GALNT18: variants seen among roughly 807,000 people sequenced by gnomAD.
The protein encoded by GALNT18 is polypeptide N-acetylgalactosaminyltransferase 18, also known as GalNAc-transferase 18.
In GALNT18, 44 loss-of-function variants were observed where a neutral mutation model predicts 69.5. That is an observed-to-expected ratio of 0.63 (90% CI 0.50 to 0.81). The LOEUF (loss-of-function observed/expected upper bound fraction) is 0.81, where lower values mean the gene tolerates loss of function less well. GALNT18 is among the 40% of genes least tolerant of loss of function. The pLI is 0.00. For missense variants in GALNT18, 715 were observed against 810.0 expected, an observed-to-expected ratio of 0.88 and a Z score of 1.42; for synonymous variants, 364 against 318.2, an observed-to-expected ratio of 1.14 and a Z score of -1.53.
Position 11,511,958 on chromosome 11 carries a change from T to C in GALNT18, c.236-63022A>G, listed in dbSNP as rs1375939514. Among the ~76,000 whole-genome samples, 1 of 152,194 alleles carries C rather than the reference T, an allele frequency of 6.6e-6. No homozygotes were observed. Among genetic ancestry groups the C allele is most frequent in the Non-Finnish European group, 1.5e-5 (1 of 68,034 alleles). On this transcript the variant is annotated intron_variant, in intron 1 of 10. Coordinates refer to ENST00000227756, the MANE Select transcript of GALNT18 (RefSeq NM_198516.3). The surrounding 1 kb of genome is among the most constrained non-coding windows in gnomAD (Gnocchi z 4.9). ...AGCAGCTCAAACTGATCAACACATA[T>C]ACATATGTATATGTATGCATACCAT...
intron 6 of GALNT18, among the ~76,000 whole-genome samples, chr11:11,344,328 T>A (rs1051399547): frequency 6.6e-6 from 1 of 152,156 alleles, no homozygotes; most frequent in Non-Finnish European, 1.5e-5. Context: ...CCCTGACTCA[T>A]CCTCCAAGCC....
rs1465489418 is a variant in GALNT18, at chr11:11,606,264, A to G, written c.235+15095T>C. The stretch of plus-strand genomic sequence containing the variant: ...TACCTGGCACTGTGTGACAAACTGG[A>G]AAACAGGAAAAACCGGACCCAGTCT... On this transcript the variant is annotated intron_variant, in intron 1 of 10. Transcript: ENST00000227756. The surrounding 1 kb of genome is among the most constrained non-coding windows in gnomAD (Gnocchi z 5.4). Among the ~76,000 whole-genome samples, 1 of 152,198 alleles carries G rather than the reference A, an allele frequency of 6.6e-6. No homozygotes were observed. Among genetic ancestry groups the G allele is most frequent in the Admixed American group, 6.5e-5 (1 of 15,286 alleles).
At chr11:11,531,764 G>A (rs1363089543) in intron 1 of GALNT18, among the ~76,000 whole-genome samples, 1 of 152,200 alleles carries the variant, frequency 6.6e-6, no homozygotes, top group Non-Finnish European at 1.5e-5. Flanking sequence ...CCCTCCTGCT[G>A]TGAGTCTCTG....
rs184352626 is a variant in GALNT18, at chr11:11,442,463, C to T, written c.428+6281G>A. ...GCCATTATTCTGTCTACCCATGAAACCAGGACCCCCAAAGTTCAAAGATGC... is the reference window on the plus strand; with the variant it reads ...GCCATTATTCTGTCTACCCATGAAATCAGGACCCCCAAAGTTCAAAGATGC... On this transcript the variant is annotated intron_variant, in intron 2 of 10. Coordinates refer to ENST00000227756, the MANE Select transcript of GALNT18 (RefSeq NM_198516.3). 3.5e-3 allele frequency among the ~76,000 whole-genome samples: 529 copies of T among 152,246 alleles called. 7 individuals carry two copies. Among genetic ancestry groups the T allele is most frequent in the South Asian group, 0.011 (51 of 4,824 alleles).
chr11:11,456,320 G>A (rs1855923406), intron 1 of GALNT18, among the ~76,000 whole-genome samples: 1 of 152,194 alleles, frequency 6.6e-6, no homozygotes, highest in Non-Finnish European at 1.5e-5. Context: ...CCTGACTGCA[G>A]CCCTACCTGC....
At chr11:11,281,376 C>T (rs1849071454) in intron 10 of GALNT18, among the ~76,000 whole-genome samples, 1 of 152,202 alleles carries the variant, frequency 6.6e-6, no homozygotes, top group Non-Finnish European at 1.5e-5. Context: ...CGTTTATCAG[C>T]TATAAACCGT....
intron 6 of GALNT18, among the ~76,000 whole-genome samples, chr11:11,358,423 A>T (rs1319984800): frequency 7.1e-6 from 1 of 140,628 alleles, no homozygotes; most frequent in Non-Finnish European, 1.6e-5. Flanking sequence ...GAAACCTTCC[A>T]TCATCTGAGT....
chr11:11,306,066 G>A (rs1430321999), intron 9 of GALNT18, among the ~76,000 whole-genome samples: 1 of 152,192 alleles, frequency 6.6e-6, no homozygotes, highest in East Asian at 1.9e-4. Context: ...CTCTCCCCAG[G>A]ACATAGTCTA....
chr11:11,525,312 C>T (rs1249074476), intron 1 of GALNT18, among the ~76,000 whole-genome samples: 2 of 151,686 alleles, frequency 1.3e-5, no homozygotes, highest in Non-Finnish European at 2.9e-5. Context: ...GAAATATTAC[C>T]CTAGAAGTGG....
rs1247368469 is a variant in GALNT18, at chr11:11,340,191, A to G, written c.1278+628T>C. Among the ~76,000 whole-genome samples, 1 of 152,096 alleles carries G rather than the reference A, an allele frequency of 6.6e-6. No individual in the cohort carries two copies. Among genetic ancestry groups the G allele is most frequent in the Non-Finnish European group, 1.5e-5 (1 of 68,008 alleles). On this transcript the variant is annotated intron_variant, in intron 7 of 10. Transcript: ENST00000227756. This position sits in a 1 kb window ranked among gnomAD's most constrained non-coding sequence, Gnocchi z 4.2. The stretch of plus-strand genomic sequence containing the variant: ...ACACATGGCAGGGCTAAACAAAACT[A>G]CCAGAGAAGCATTGCTTTTCCTCTG...
intron 10 of GALNT18, among the ~76,000 whole-genome samples, chr11:11,279,388 C>G (rs1362334277): frequency 1.3e-5 from 2 of 152,000 alleles, no homozygotes; most frequent in African/African-American, 4.8e-5. Context: ...ATGGGCAGTA[C>G]CTACTATAGT....
intron 3 of GALNT18, among the ~76,000 whole-genome samples, chr11:11,423,794 G>A (rs1855065816): frequency 6.6e-6 from 1 of 152,218 alleles, no homozygotes; most frequent in Non-Finnish European, 1.5e-5. Context: ...CTGTAACTCT[G>A]GACAAATTCC....
chr11:11,487,885 G>T (rs1388581445), intron 1 of GALNT18, among the ~76,000 whole-genome samples: 1 of 152,178 alleles, frequency 6.6e-6, no homozygotes, highest in South Asian at 2.1e-4. Context: ...AACACTGCCT[G>T]CCCCTAGTGC....
chr11:11,355,719 T>A (rs1850517412), intron 6 of GALNT18, among the ~76,000 whole-genome samples: 1 of 152,098 alleles, frequency 6.6e-6, no homozygotes, highest in South Asian at 2.1e-4. Flanking sequence ...ACAATCCTAG[T>A]GTGGTGAAAA....
At chr11:11,329,007 A>C (rs907887994) in intron 8 of GALNT18, among the ~76,000 whole-genome samples, 4 of 151,388 alleles carry the variant, frequency 2.6e-5, no homozygotes, top group African/African-American at 9.6e-5. Context: ...ACCATCCCTT[A>C]GGCAGGTAGT....
chr11:11,490,207 TC>T (rs1312390285), intron 1 of GALNT18, among the ~76,000 whole-genome samples: 1 of 31,706 alleles, frequency 3.2e-5, no homozygotes, highest in Non-Finnish European at 8.0e-5. Flanking sequence ...TCATTCTCTC[TC>T]TCTCTCTCTC....
intron 1 of GALNT18, among the ~76,000 whole-genome samples, chr11:11,510,570 G>A (rs1195614985): frequency 6.6e-6 from 1 of 152,214 alleles, no homozygotes; most frequent in Non-Finnish European, 1.5e-5. Flanking sequence ...CCCTGCATTG[G>A]TGGTATAGTG....
chr11:11,395,618 T>C (rs1015153811), intron 3 of GALNT18, among the ~76,000 whole-genome samples: 2 of 152,154 alleles, frequency 1.3e-5, no homozygotes, highest in East Asian at 1.9e-4. Context: ...GCCACTGCAC[T>C]TGAAGGGGAG....
At position 11,590,028 on chromosome 11, in the gene GALNT18, C is replaced by CT. The variant is rs1859318621; in HGVS notation, c.235+31330dup. ...TACTCCTGGCTCTGCCACTTGCTAC[C>CT]TTTGTGACTTTACCTAGGGGTGATA... On this transcript the variant is annotated intron_variant, in intron 1 of 10. Coordinates refer to ENST00000227756, the MANE Select transcript of GALNT18 (RefSeq NM_198516.3). The surrounding 1 kb of genome is among the most constrained non-coding windows in gnomAD (Gnocchi z 4.4). 6.6e-6 allele frequency among the ~76,000 whole-genome samples: 1 copy of CT among 152,216 alleles called. No individual in the cohort carries two copies. Among genetic ancestry groups the CT allele is most frequent in the Admixed American group, 6.5e-5 (1 of 15,278 alleles).
Sources: gnomAD v4.1 joint callset for allele counts (sites outside exome capture counted in the v4.1 genomes callset) on GRCh38, gnomAD v4.1.1 for gene constraint, Gnocchi (gnomAD v3.1) non-coding constraint, MANE v1.5 for transcripts, NCBI Gene and HGNC (gene_info 2026-07-23, HGNC 2026-07-21) for gene names.